SLC30A8: variants seen among roughly 807,000 people sequenced by gnomAD.
SLC30A8 encodes the protein solute carrier family 30 member 8.
Under a neutral mutation model 36.9 loss-of-function variants are expected in SLC30A8, and 27 were observed. The ratio of observed to expected loss-of-function variants is 0.73; its 90% confidence interval spans 0.54 to 1.01. The LOEUF (loss-of-function observed/expected upper bound fraction) is 1.01. SLC30A8 is among the 50% of genes least tolerant of loss of function. The pLI, the probability that SLC30A8 is intolerant of heterozygous loss-of-function variation, is 0.00. For missense variants in SLC30A8, 439 were observed against 452.0 expected, an observed-to-expected ratio of 0.97 and a Z score of 0.26; for synonymous variants, 164 against 172.4, an observed-to-expected ratio of 0.95 and a Z score of 0.38.
At chr8:116,966,385 T>C (rs2130605836) in intron 1 of SLC30A8, among the ~76,000 whole-genome samples, 1 of 152,286 alleles carries the variant, frequency 6.6e-6, no homozygotes, top group East Asian at 1.9e-4. Flanking sequence ...TTTTCAGTTG[T>C]GTCTGCCTTT....
At chr8:117,022,230 C>G (rs2130725030) in intron 1 of SLC30A8, among the ~76,000 whole-genome samples, 3 of 151,792 alleles carry the variant, frequency 2.0e-5, no homozygotes, top group Admixed American at 2.0e-4. Flanking sequence ...AGTTAAGTTC[C>G]TATAAGAAAA....
intron 2 of SLC30A8, among the ~76,000 whole-genome samples, chr8:117,093,180 G>T (rs1166660995): frequency 6.6e-6 from 1 of 151,716 alleles, no homozygotes; most frequent in Non-Finnish European, 1.5e-5. Context: ...TCATGGCCCA[G>T]GTATCCTTCT....
chr8:117,073,454 T>TTCACCATGTTGGCCAGGCTAGTC (rs1319412199), intron 2 of SLC30A8, among the ~76,000 whole-genome samples: 1 of 152,052 alleles, frequency 6.6e-6, no homozygotes, highest in Non-Finnish European at 1.5e-5. Flanking sequence ...GAGATGGGGT[T>TTCACCATGTTGGCCAGGCTAGTC]TCACCATGTT....
chr8:117,123,122 C>T (rs925462318), intron 2 of SLC30A8, among the ~76,000 whole-genome samples: 1 of 151,922 alleles, frequency 6.6e-6, no homozygotes, highest in South Asian at 2.1e-4. Context: ...GGGCAGACCT[C>T]AGGTCAGGCT....
intron 1 of SLC30A8, among the ~76,000 whole-genome samples, chr8:117,136,365 TATAAATGAGCTAATGAAA>T (rs1821358764): frequency 6.6e-6 from 1 of 151,962 alleles, no homozygotes; most frequent in African/African-American, 2.4e-5. Context: ...ATTCAGTGAA[TATAAATGAGCTAATGAAA>T]ATCTGAAAAG....
At chr8:116,956,104 G>A (rs965439080) in intron 1 of SLC30A8, among the ~76,000 whole-genome samples, 3 of 152,188 alleles carry the variant, frequency 2.0e-5, no homozygotes, top group Non-Finnish European at 4.4e-5. Flanking sequence ...TGTGAAAGGT[G>A]AATAGATACA....
chr8:117,126,831 CTG>C (rs560331352), intron 2 of SLC30A8, among the ~76,000 whole-genome samples: 72 of 152,170 alleles, frequency 4.7e-4, no homozygotes, highest in African/African-American at 1.4e-3. Context: ...GCTGAGCTCA[CTG>C]TGCTTCTCAC....
Position 116,965,302 on chromosome 8 carries a change from A to G in SLC30A8, c.-266+14183A>G, listed in dbSNP as rs140596742. Among the ~76,000 whole-genome samples, 10 of 152,360 alleles carry G rather than the reference A, an allele frequency of 6.6e-5. No homozygotes were observed. In the East Asian group the frequency reaches 1.9e-3, roughly 29 times the overall value. On this transcript the variant is annotated intron_variant, in intron 1 of 10. Coordinates refer to the SLC30A8 transcript ENST00000427715. ...GGTCTCCAAAGGCTAAGTAATCAGCAAAGCTAAAATACAAACTGAAGGATA... is the reference window on the plus strand; with the variant it reads ...GGTCTCCAAAGGCTAAGTAATCAGCGAAGCTAAAATACAAACTGAAGGATA...
intron 2 of SLC30A8, among the ~76,000 whole-genome samples, chr8:117,070,181 T>C (rs1818287927): frequency 6.6e-6 from 1 of 152,180 alleles, no homozygotes; most frequent in South Asian, 2.1e-4. Flanking sequence ...AGCACCAAAA[T>C]CTAATGAATC....
At chr8:116,990,948 CTGAG>C (rs1026804781) in intron 1 of SLC30A8, among the ~76,000 whole-genome samples, 1 of 151,670 alleles carries the variant, frequency 6.6e-6, no homozygotes, top group South Asian at 2.1e-4. Context: ...GACAGAAAGA[CTGAG>C]AGAGAGAGAA....
rs1386279141 is a variant in SLC30A8 at position 117,083,542 on chromosome 8, A to G, written c.-226+44284A>G. On this transcript the variant is annotated intron_variant, in intron 2 of 10. Coordinates refer to the SLC30A8 transcript ENST00000427715. ...TACATACATAGTAAGTAGTTCAACA[A>G]TTGTCTGCTCAACCATTCTTGCACT... Among the ~76,000 whole-genome samples, 5 of 152,192 alleles carry G rather than the reference A, an allele frequency of 3.3e-5. No individual in the cohort carries two copies. The East Asian group carries it at 7.7e-4, about 23-fold the overall frequency.
intron 1 of SLC30A8, among the ~76,000 whole-genome samples, chr8:117,138,870 G>A (rs989621228): frequency 1.3e-5 from 2 of 152,120 alleles, no homozygotes; most frequent in South Asian, 2.1e-4. Context: ...ACTCATAGGA[G>A]AGGCAGGCCA....
chr8:116,968,441 G>A (rs1814674486), intron 1 of SLC30A8, among the ~76,000 whole-genome samples: 1 of 151,292 alleles, frequency 6.6e-6, no homozygotes, highest in South Asian at 2.1e-4. Context: ...TGAGTCAGAT[G>A]GAGCAGCATC....
At chr8:117,151,478 C>T (rs1228406287) in intron 2 of SLC30A8, among the ~76,000 whole-genome samples, 2 of 152,172 alleles carry the variant, frequency 1.3e-5, no homozygotes, top group African/African-American at 4.8e-5. Flanking sequence ...CAGTGACTGC[C>T]CGCAGTTTTC....
chr8:117,154,962 G>T (rs1822399105), intron 3 of SLC30A8, among the ~76,000 whole-genome samples: 1 of 152,106 alleles, frequency 6.6e-6, no homozygotes, highest in South Asian at 2.1e-4. Flanking sequence ...TGCTACTGAA[G>T]AACCAGATTT....
chr8:117,034,445 G>A (rs1817149348), intron 1 of SLC30A8, among the ~76,000 whole-genome samples: 1 of 152,142 alleles, frequency 6.6e-6, no homozygotes, highest in African/African-American at 2.4e-5. Flanking sequence ...ATAGTACTTA[G>A]TAAGTCGTTT....
intron 2 of SLC30A8, among the ~76,000 whole-genome samples, chr8:117,080,585 G>T (rs1315371961): frequency 6.6e-6 from 1 of 152,134 alleles, no homozygotes; most frequent in African/African-American, 2.4e-5. Flanking sequence ...GAACATGTGG[G>T]ATTTGTTTTT....
At chr8:117,006,815 C>T (rs1321132262) in intron 1 of SLC30A8, among the ~76,000 whole-genome samples, 2 of 115,940 alleles carry the variant, frequency 1.7e-5, no homozygotes, top group African/African-American at 6.7e-5. Context: ...CGGAATCTGG[C>T]TGTGTCTCCC....
chr8:117,016,012 A>T (rs138850873), intron 1 of SLC30A8, among the ~76,000 whole-genome samples: 19 of 152,314 alleles, frequency 1.2e-4, no homozygotes, highest in Non-Finnish European at 2.2e-4. Flanking sequence ...AATGCGCTTG[A>T]ATAAGAAGGA....
Sources: gnomAD v4.1 joint callset for allele counts (sites outside exome capture counted in the v4.1 genomes callset) on GRCh38, gnomAD v4.1.1 for gene constraint, MANE v1.5 for transcripts, NCBI Gene and HGNC (gene_info 2026-07-23, HGNC 2026-07-21) for gene names.